The following C12orf54 variants were observed in gnomAD, a reference collection of about 807,000 sequenced individuals.
C12orf54 encodes chromosome 12 open reading frame 54, also known as uncharacterized protein C12orf54.
A neutral mutation model predicts 26.4 loss-of-function variants in C12orf54; 24 were observed. The observed-to-expected ratio is 0.91, with a 90% CI of 0.66 to 1.28. C12orf54 has a LOEUF of 1.28. Among genes scored for constraint, C12orf54 ranks in the 50% most tolerant of loss-of-function variants. The probability of loss-of-function intolerance (pLI) is 0.00; values close to 1 mark genes in which losing one functional copy is unlikely to be tolerated. For missense variants in C12orf54, 154 were observed against 150.9 expected (o/e 1.02, Z -0.11); for synonymous variants, 54 against 47.0 (o/e 1.15, Z -0.61).
At chr12:48,464,105 G>A in the C12orf54 span, among the ~76,000 whole-genome samples, 1 of 151,830 alleles carries the variant, frequency 6.6e-6, no homozygotes, top group African/African-American at 2.4e-5. Flanking sequence ...AGAAATAAAG[G>A]GCATCCAAAT....
At chr12:48,437,504 A>T in the C12orf54 span, among the ~76,000 whole-genome samples, 1 of 152,346 alleles carries the variant, frequency 6.6e-6, no homozygotes, top group South Asian at 2.1e-4. Context: ...AATCCTCAGT[A>T]AAATACTGGC....
chr12:48,458,094 C>A, the C12orf54 span, among the ~76,000 whole-genome samples: 5 of 152,190 alleles, frequency 3.3e-5, no homozygotes, highest in Non-Finnish European at 5.9e-5. Context: ...TGGCCAGAGG[C>A]CCACCTTGTT....
At chr12:48,431,308 A>T in the C12orf54 span, among the ~76,000 whole-genome samples, 6 of 152,190 alleles carry the variant, frequency 3.9e-5, no homozygotes, top group African/African-American at 7.2e-5. Flanking sequence ...TAAAAAGTAA[A>T]AAAGAATGTA....
At chr12:48,495,093 C>A in intron 8 of C12orf54, 114 bp downstream of exon 8, 2 of 746,246 alleles carry the variant, frequency 2.7e-6, no homozygotes, top group Non-Finnish European at 4.3e-6. Flanking sequence ...CCCCATGAAG[C>A]AGGTGCAGTC....
At chr12:48,440,174 G>A in the C12orf54 span, among the ~76,000 whole-genome samples, 1,166 of 151,772 alleles carry the variant, frequency 7.7e-3, 23 homozygotes, top group African/African-American at 0.027. Flanking sequence ...GCAGTGAACC[G>A]AGATCGTGCC....
chr12:48,416,529 T>G, the C12orf54 span, among the ~76,000 whole-genome samples: 2 of 152,166 alleles, frequency 1.3e-5, no homozygotes, highest in Admixed American at 6.6e-5. Flanking sequence ...ATTGCCATTG[T>G]ATCACCATTA....
the C12orf54 span, among the ~76,000 whole-genome samples, chr12:48,416,992 C>T: frequency 6.6e-6 from 1 of 152,162 alleles, no homozygotes; most frequent in African/African-American, 2.4e-5. Context: ...CATGCTTGCC[C>T]TTCCACCATG....
the C12orf54 span, among the ~76,000 whole-genome samples, chr12:48,415,694 G>A: frequency 9.7e-3 from 1,469 of 152,094 alleles, 28 homozygotes; most frequent in African/African-American, 0.033. Flanking sequence ...TCTGGAAAAC[G>A]TTTTCCTTAG....
the C12orf54 span, among the ~76,000 whole-genome samples, chr12:48,439,953 G>A: frequency 5.9e-5 from 9 of 152,056 alleles, no homozygotes; most frequent in East Asian, 1.9e-4. Flanking sequence ...GGCCAGTCAC[G>A]GTGGCTCATG....
the C12orf54 span, among the ~76,000 whole-genome samples, chr12:48,426,252 G>GT: frequency 7.0e-4 from 107 of 151,908 alleles, no homozygotes; most frequent in Admixed American, 3.0e-3. Flanking sequence ...GACTTGCATT[G>GT]TTTTTTGTTT....
At chr12:48,424,884 G>A in the C12orf54 span, among the ~76,000 whole-genome samples, 70 of 152,118 alleles carry the variant, frequency 4.6e-4, 3 homozygotes, top group Non-Finnish European at 2.4e-4. Flanking sequence ...TATAGTCATA[G>A]GAAGTTGATC....
chr12:48,439,159 A>T, the C12orf54 span, among the ~76,000 whole-genome samples: 1 of 152,342 alleles, frequency 6.6e-6, no homozygotes, highest in African/African-American at 2.4e-5. Context: ...GCTCATCATC[A>T]CTGGCCATCA....
intron 1 of C12orf54, 61 bp from the exon 2 acceptor site, chr12:48,483,179 T>C (rs1248425908): frequency 3.8e-6 from 3 of 790,010 alleles, no homozygotes; most frequent in Non-Finnish European, 6.1e-6. Context: ...CTCCACTGAA[T>C]AAGCGCTTTT....
chr12:48,473,146 A>G, the C12orf54 span: 7 of 1,593,608 alleles, frequency 4.4e-6, no homozygotes, highest in Non-Finnish European at 6.0e-6. Context: ...TCGGATGGTG[A>G]GGGCTTTGTG....
the C12orf54 span, among the ~76,000 whole-genome samples, chr12:48,457,411 G>T: frequency 4.6e-5 from 7 of 151,956 alleles, no homozygotes; most frequent in Non-Finnish European, 1.0e-4. Context: ...TCAGCTCACT[G>T]CAACCTCTGC....
At chr12:48,437,737 T>C in the C12orf54 span, among the ~76,000 whole-genome samples, 1 of 152,206 alleles carries the variant, frequency 6.6e-6, no homozygotes. Flanking sequence ...AAATTAGGTA[T>C]TGATGGGACG....
chr12:48,479,270 C>A (rs1274848005), upstream of C12orf54, among the ~76,000 whole-genome samples: 1 of 152,044 alleles, frequency 6.6e-6, no homozygotes, highest in African/African-American at 2.4e-5. Flanking sequence ...GGACAAAAAA[C>A]CAAACACCGC....
intron 2 of C12orf54, 189 bp downstream of exon 2, chr12:48,483,550 G>A: frequency 1.8e-6 from 1 of 544,670 alleles, no homozygotes; most frequent in Non-Finnish European, 3.2e-6. Context: ...GCAAATCTTT[G>A]TCATTTTAAT....
At chr12:48,421,008 C>T in the C12orf54 span, among the ~76,000 whole-genome samples, 1 of 152,158 alleles carries the variant, frequency 6.6e-6, no homozygotes, top group Non-Finnish European at 1.5e-5. Flanking sequence ...CACTGGTTTC[C>T]TTTTAACCTC....
Sources: allele counts gnomAD v4.1 joint callset (sites outside exome capture counted in the v4.1 genomes callset), GRCh38; gene constraint gnomAD v4.1.1; transcripts MANE v1.5; gene names NCBI Gene and HGNC (gene_info 2026-07-23, HGNC 2026-07-21).